Variants in LRP1B observed in about 807,000 individuals in gnomAD.
LRP1B encodes low-density lipoprotein receptor-related protein 1B.
LRP1B carries 217 observed loss-of-function variants against 556.6 expected under a neutral mutation model. That is an observed-to-expected ratio of 0.39 (90% CI 0.35 to 0.44). The LOEUF (loss-of-function observed/expected upper bound fraction) is 0.44, where lower values mean the gene tolerates loss of function less well. Ranked by LOEUF, LRP1B falls within the 20% of genes least tolerant of loss-of-function variation. The pLI is 1.00. For synonymous variants in LRP1B, 2,047 were observed against 1,865.8 expected (o/e 1.10, Z -2.50); for missense variants, 5,053 against 5,620.8 (o/e 0.90, Z 3.23).
At chr2:140,768,744 C>A (rs1689200327) in intron 35 of LRP1B, among the ~76,000 whole-genome samples, 1 of 151,852 alleles carries the variant, frequency 6.6e-6, no homozygotes. Flanking sequence ...CTATATTCAA[C>A]AATAATTTTC....
chr2:141,456,739 A>G (rs995429038), intron 3 of LRP1B, among the ~76,000 whole-genome samples: 2 of 152,206 alleles, frequency 1.3e-5, no homozygotes, highest in African/African-American at 4.8e-5. Flanking sequence ...TTTCTGGTGG[A>G]TGGGAATAAG....
At chr2:141,905,201 C>G (rs1276269327) in intron 1 of LRP1B, among the ~76,000 whole-genome samples, 1 of 151,724 alleles carries the variant, frequency 6.6e-6, no homozygotes, top group Non-Finnish European at 1.5e-5. Context: ...GATTCAAATA[C>G]TTGAGAGAAG....
At chr2:141,183,961 T>C (rs915441898) in intron 7 of LRP1B, among the ~76,000 whole-genome samples, 1 of 152,070 alleles carries the variant, frequency 6.6e-6, no homozygotes, top group Admixed American at 6.6e-5. Context: ...TTCACACTCA[T>C]AGTGAAATGC....
chr2:141,666,584 G>C (rs555186515), intron 2 of LRP1B, among the ~76,000 whole-genome samples: 5 of 152,112 alleles, frequency 3.3e-5, no homozygotes, highest in African/African-American at 1.2e-4. Flanking sequence ...CTTTCATCTT[G>C]CCTATGCTAT....
At chr2:141,364,181 G>A (rs1688934656) in intron 3 of LRP1B, among the ~76,000 whole-genome samples, 1 of 151,944 alleles carries the variant, frequency 6.6e-6, no homozygotes, top group Admixed American at 6.6e-5. Flanking sequence ...CAGTGTCATG[G>A]GAAGAGGATT....
intron 41 of LRP1B, among the ~76,000 whole-genome samples, chr2:140,646,136 A>G (rs1226740987): frequency 3.3e-5 from 5 of 152,030 alleles, no homozygotes; most frequent in Admixed American, 2.6e-4. Context: ...AGAGAAATCA[A>G]CTCCTCCTTT....
intron 2 of LRP1B, among the ~76,000 whole-genome samples, chr2:141,548,113 T>C (rs550460889): frequency 6.6e-6 from 1 of 152,316 alleles, no homozygotes; most frequent in African/African-American, 2.4e-5. Flanking sequence ...GTGGCACTTA[T>C]TAGCTATGTA....
intron 87 of LRP1B, among the ~76,000 whole-genome samples, chr2:140,243,051 T>C (rs1681017951): frequency 6.6e-6 from 1 of 150,878 alleles, no homozygotes; most frequent in Non-Finnish European, 1.5e-5. Context: ...TCCATATGGA[T>C]GGACAGAAAG....
In LRP1B at chr2:140,994,098, A is replaced by G; in HGVS notation, c.2541T>C (p.Ala847=). The G allele has an allele frequency of 6.2e-7, 1 of 1,612,696 alleles. No homozygotes were observed. Among genetic ancestry groups the G allele is most frequent in the Admixed American group, 1.7e-5 (1 of 59,884 alleles). The change falls in exon 16 of 91, where the codon GCT becomes GCC. Residue 847 remains alanine (A), a synonymous_variant. Coordinates refer to ENST00000389484, the MANE Select transcript of LRP1B (RefSeq NM_018557.3). The part of the protein sequence containing the change: ...PGEALPHICK[A]GEFRCKNRHC... ...GTCTGTTTTTGCAGCGAAACTCTCC[A>G]GCTTTACATATGTGAGGTAGTGCTT...
intron 3 of LRP1B, among the ~76,000 whole-genome samples, chr2:141,310,110 G>T (rs571987801): frequency 1.3e-5 from 2 of 152,278 alleles, no homozygotes; most frequent in Admixed American, 6.5e-5. Flanking sequence ...AATATTGTAT[G>T]TATAGGTAGA....
intron 3 of LRP1B, among the ~76,000 whole-genome samples, chr2:141,353,276 T>A (rs1197810075): frequency 6.6e-6 from 1 of 152,066 alleles, no homozygotes; most frequent in Middle Eastern, 3.4e-3. Flanking sequence ...CTTGTCATTC[T>A]TTCATGACCT....
chr2:141,563,609 T>C (rs2105251506), intron 2 of LRP1B, among the ~76,000 whole-genome samples: 2 of 152,052 alleles, frequency 1.3e-5, no homozygotes, highest in African/African-American at 4.8e-5. Context: ...AACTATGTAG[T>C]ATCTATAGAA....
intron 3 of LRP1B, among the ~76,000 whole-genome samples, chr2:141,270,045 C>T (rs1173052079): frequency 6.6e-6 from 1 of 151,948 alleles, no homozygotes; most frequent in Non-Finnish European, 1.5e-5. Context: ...GCAAATCATA[C>T]ACAATAAGGA....
intron 60 of LRP1B, among the ~76,000 whole-genome samples, chr2:140,464,920 A>C (rs1156716524): frequency 6.6e-6 from 1 of 152,184 alleles, no homozygotes; most frequent in African/African-American, 2.4e-5. Flanking sequence ...TATATTTCTA[A>C]AATAAAAACG....
chr2:140,795,815 AT>A (rs1690283058), intron 32 of LRP1B, among the ~76,000 whole-genome samples: 1 of 152,198 alleles, frequency 6.6e-6, no homozygotes, highest in South Asian at 2.1e-4. Context: ...TATCCACTAC[AT>A]TCCAACATGA....
At chr2:140,529,432 A>G (rs1055651960) in intron 47 of LRP1B, among the ~76,000 whole-genome samples, 13 of 99,320 alleles carry the variant, frequency 1.3e-4, no homozygotes, top group African/African-American at 2.9e-4. Context: ...GAAGCTGAAA[A>G]GGGGGGGGGG....
intron 72 of LRP1B, 65 bp from the exon 73 acceptor site, chr2:140,359,011 T>TC: frequency 6.8e-7 from 1 of 1,480,630 alleles, no homozygotes; most frequent in Non-Finnish European, 9.1e-7. Flanking sequence ...AGAACATTCT[T>TC]CCTTTTTCTT....
At chr2:141,933,242 A>T (rs952261568) in intron 1 of LRP1B, among the ~76,000 whole-genome samples, 1 of 152,092 alleles carries the variant, frequency 6.6e-6, no homozygotes, top group Non-Finnish European at 1.5e-5. Context: ...AGAAAAAAAA[A>T]TTGTTGCAAA....
chr2:142,053,057 C>T (rs531137532), intron 1 of LRP1B, among the ~76,000 whole-genome samples: 43 of 152,126 alleles, frequency 2.8e-4, no homozygotes, highest in Admixed American at 1.1e-3. Context: ...CCCTAGTCTG[C>T]AGGAAAAAGA....
Sources: gnomAD v4.1 joint callset for allele counts (sites outside exome capture counted in the v4.1 genomes callset) on GRCh38, gnomAD v4.1.1 for gene constraint, MANE v1.5 for transcripts, NCBI Gene and HGNC (gene_info 2026-07-23, HGNC 2026-07-21) for gene names.